Variants in AKAIN1 observed in about 807,000 individuals in gnomAD.
The protein encoded by AKAIN1 is A-kinase anchor protein inhibitor 1.
In AKAIN1, 3 loss-of-function variants were observed where a neutral mutation model predicts 3.7. The ratio of observed to expected loss-of-function variants is 0.82; its 90% CI spans 0.37 to 2.12. The LOEUF is 2.12. AKAIN1 is among the 30% of genes most tolerant of loss of function. The pLI is 0.06. For missense variants in AKAIN1, 82 were observed against 82.7 expected (o/e 0.99, Z 0.03); for synonymous variants, 31 against 30.8 (o/e 1.01, Z -0.02).
At chr18:5,151,408 G>C (rs1389408199) in intron 1 of AKAIN1, among the ~76,000 whole-genome samples, 1 of 152,166 alleles carries the variant, frequency 6.6e-6, no homozygotes, top group Non-Finnish European at 1.5e-5. Context: ...CAGGAGCCCT[G>C]CTTTGCTACC....
chr18:5,153,552 G>C (rs1455986395), intron 1 of AKAIN1, among the ~76,000 whole-genome samples: 1 of 152,214 alleles, frequency 6.6e-6, no homozygotes, highest in Non-Finnish European at 1.5e-5. Flanking sequence ...AGTATTTTCA[G>C]TCTTTAGGGC....
chr18:5,179,608 C>A (rs2071245885), intron 1 of AKAIN1, among the ~76,000 whole-genome samples: 1 of 151,972 alleles, frequency 6.6e-6, no homozygotes, highest in East Asian at 1.9e-4. Context: ...AGTGGGATTG[C>A]TAGATCTAAT....
At chr18:5,169,601 C>G (rs2071186076) in intron 1 of AKAIN1, among the ~76,000 whole-genome samples, 1 of 152,068 alleles carries the variant, frequency 6.6e-6, no homozygotes, top group South Asian at 2.1e-4. Context: ...AGTCCAGTAC[C>G]ATTACCGCGG....
At chr18:5,197,510 A>AAAAAAAAAAAAC, upstream of AKAIN1, 3 of 1,225,776 alleles carry the variant, frequency 2.4e-6, no homozygotes, top group Admixed American at 4.2e-5. This position sits in a 1 kb window ranked among gnomAD's most constrained non-coding sequence, Gnocchi z 6.9. Context: ...TTGTCAAAAA[A>AAAAAAAAAAAAC]AAAAAACTCT....
intron 1 of AKAIN1, among the ~76,000 whole-genome samples, chr18:5,151,792 G>T (rs899704602): frequency 6.6e-6 from 1 of 152,186 alleles, no homozygotes; most frequent in Non-Finnish European, 1.5e-5. Context: ...GAATCAGAAA[G>T]ATATTTATGG....
intron 1 of AKAIN1, among the ~76,000 whole-genome samples, chr18:5,194,889 C>T (rs893074043): frequency 1.7e-4 from 26 of 152,196 alleles, no homozygotes; most frequent in South Asian, 4.1e-4. Context: ...TAGTACAAAA[C>T]ATCTGGATTC....
At chr18:5,178,042 C>T (rs2071235965) in intron 1 of AKAIN1, among the ~76,000 whole-genome samples, 1 of 152,060 alleles carries the variant, frequency 6.6e-6, no homozygotes, top group Admixed American at 6.6e-5. Flanking sequence ...GCAAGAAAGA[C>T]TGTTCCTAAA....
chr18:5,155,306 C>T (rs534359912), intron 1 of AKAIN1, among the ~76,000 whole-genome samples: 8 of 152,158 alleles, frequency 5.3e-5, no homozygotes, highest in Non-Finnish European at 1.2e-4. Context: ...CTGAAAACTC[C>T]ACTCTGGGCT....
At chr18:5,186,637 G>A (rs2071289146) in intron 1 of AKAIN1, among the ~76,000 whole-genome samples, 1 of 152,098 alleles carries the variant, frequency 6.6e-6, no homozygotes, top group Admixed American at 6.6e-5. Flanking sequence ...ATGCCAAGTA[G>A]GCTGAATATC....
chr18:5,170,308 C>T (rs1324758005), intron 1 of AKAIN1, among the ~76,000 whole-genome samples: 1 of 152,110 alleles, frequency 6.6e-6, no homozygotes, highest in African/African-American at 2.4e-5. Context: ...TCTTCATTAA[C>T]TATTTAGAGG....
intron 1 of AKAIN1, among the ~76,000 whole-genome samples, chr18:5,181,866 T>A (rs1243783898): frequency 1.3e-5 from 2 of 152,112 alleles, no homozygotes; most frequent in Non-Finnish European, 2.9e-5. Context: ...GATGGTAATG[T>A]AGGTCCTAAT....
At chr18:5,172,426 C>T (rs540354982) in intron 1 of AKAIN1, among the ~76,000 whole-genome samples, 4 of 151,966 alleles carry the variant, frequency 2.6e-5, no homozygotes, top group African/African-American at 4.8e-5. Context: ...TAAATATATG[C>T]ACCTGCTATG....
chr18:5,163,983 C>T (rs563889872), intron 1 of AKAIN1, among the ~76,000 whole-genome samples: 1 of 152,046 alleles, frequency 6.6e-6, no homozygotes, highest in South Asian at 2.1e-4. Context: ...AACTATTATG[C>T]CTTTGTAGAA....
intron 1 of AKAIN1, among the ~76,000 whole-genome samples, chr18:5,196,080 A>G (rs1377560025): frequency 6.6e-6 from 1 of 152,222 alleles, no homozygotes; most frequent in Non-Finnish European, 1.5e-5. Flanking sequence ...CCATGACCAC[A>G]GCAAATACAT....
intron 1 of AKAIN1, among the ~76,000 whole-genome samples, chr18:5,162,931 A>G (rs1434391826): frequency 6.6e-6 from 1 of 151,812 alleles, no homozygotes; most frequent in Non-Finnish European, 1.5e-5. Context: ...AGTATCCATA[A>G]GAATCACCTA....
chr18:5,158,757 C>G (rs1033415973), intron 1 of AKAIN1, among the ~76,000 whole-genome samples: 5 of 151,516 alleles, frequency 3.3e-5, no homozygotes, highest in Non-Finnish European at 7.4e-5. Context: ...CAAGTCCTGC[C>G]AACACTCTGA....
At chr18:5,156,263 A>T (rs1365917370) in intron 1 of AKAIN1, among the ~76,000 whole-genome samples, 2 of 152,108 alleles carry the variant, frequency 1.3e-5, no homozygotes, top group Non-Finnish European at 1.5e-5. Flanking sequence ...AACAAAAAAA[A>T]CACCCCCACC....
chr18:5,175,259 T>C (rs292331), intron 1 of AKAIN1, among the ~76,000 whole-genome samples: 90,945 of 151,936 alleles, frequency 0.6, 27,862 homozygotes, highest in African/African-American at 0.73. Context: ...CAGTGGCTCA[T>C]GATGCATGTG....
rs1326976446 is a variant in AKAIN1 at position 5,144,475 on chromosome 18, A to C, written c.*1087T>G. Among the ~76,000 whole-genome samples the C allele has an allele frequency of 6.6e-6, 1 of 152,188 alleles. No homozygotes were observed. The highest frequency in any genetic ancestry group is 1.5e-5 in the Non-Finnish European group (1 of 68,032). On this transcript the variant is annotated 3_prime_UTR_variant, in exon 2 of 2. Transcript: ENST00000434239. Reference sequence around the variant, plus strand: ...GAGCAGGGATTGATCCTGTTGCTGCACAGATAACTTTATTACACGTGTACA... The same window carrying C: ...GAGCAGGGATTGATCCTGTTGCTGCCCAGATAACTTTATTACACGTGTACA...
Sources: gnomAD v4.1 joint callset for allele counts (sites outside exome capture counted in the v4.1 genomes callset) on GRCh38, gnomAD v4.1.1 for gene constraint, Gnocchi (gnomAD v3.1) non-coding constraint, MANE v1.5 for transcripts, NCBI Gene and HGNC (gene_info 2026-07-23, HGNC 2026-07-21) for gene names.